The following YARS1 variants were observed in gnomAD, a reference collection of about 807,000 sequenced individuals.
YARS1 encodes tyrosyl-tRNA synthetase 1.
In YARS1, 36 loss-of-function variants were observed where a neutral mutation model predicts 62.2. That is an observed-to-expected ratio of 0.58 (90% CI 0.44 to 0.76). The LOEUF (loss-of-function observed/expected upper bound fraction) is 0.76. Among genes scored for constraint, YARS1 ranks in the 30% least tolerant of loss-of-function variants. The probability of loss-of-function intolerance (pLI) is 0.00; values close to 1 mark genes in which losing one functional copy is unlikely to be tolerated. For missense variants in YARS1, 524 were observed against 639.8 expected (o/e 0.82, Z 1.95); for synonymous variants, 234 against 244.9 (o/e 0.96, Z 0.42).
intron 4 of YARS1, chr1:32,798,103 C>T (rs1653663587): frequency 2.3e-6 from 1 of 430,122 alleles, no homozygotes; most frequent in Non-Finnish European, 4.3e-6. Flanking sequence ...AAATCCTGAG[C>T]TCACCTTGGC....
chr1:32,804,755 G>A (rs1218081149), intron 4 of YARS1, among the ~76,000 whole-genome samples: 3 of 151,478 alleles, frequency 2.0e-5, no homozygotes, highest in South Asian at 2.1e-4. Context: ...AAGACTGGGC[G>A]GCCGGGCAGA....
At chr1:32,785,774 G>A (rs1015112313) in intron 8 of YARS1, among the ~76,000 whole-genome samples, 3 of 151,738 alleles carry the variant, frequency 2.0e-5, no homozygotes, top group African/African-American at 7.3e-5. Context: ...AATAGAGATG[G>A]GGTTTCTCCG....
intron 5 of YARS1, among the ~76,000 whole-genome samples, chr1:32,794,025 T>G (rs1016308679): frequency 1.3e-5 from 2 of 151,810 alleles, no homozygotes; most frequent in African/African-American, 2.4e-5. Flanking sequence ...AAAGGGGAAG[T>G]AGGGGTAGAT....
intron 7 of YARS1, 44 bp downstream of exon 7, chr1:32,786,896 T>C: frequency 2.5e-6 from 4 of 1,613,376 alleles, no homozygotes; most frequent in Non-Finnish European, 3.4e-6. Context: ...GCACGAACTT[T>C]TCTATTCTAG....
chr1:32,781,472 A>G, intron 9 of YARS1: 1 of 335,314 alleles, frequency 3.0e-6, no homozygotes, highest in Non-Finnish European at 5.7e-6. Context: ...TAATTCTAGC[A>G]CTTTGGGAGG....
intron 1 of YARS1, among the ~76,000 whole-genome samples, chr1:32,811,913 C>T (rs754642099): frequency 3.2e-4 from 48 of 152,144 alleles, no homozygotes; most frequent in Non-Finnish European, 5.4e-4. Flanking sequence ...GGAATGGACC[C>T]CACATTTTGG....
Position 32,779,480 on chromosome 1 carries a change from C to G in YARS1, c.1378G>C (p.Gly460Arg). The change falls in exon 12 of 13, where the codon GGC (glycine) becomes CGC (arginine). Residue 460 changes from glycine to arginine, a missense_variant. Gly to Arg is a moderately radical substitution (Grantham distance 125). Coordinates refer to ENST00000373477, the MANE Select transcript of YARS1 (RefSeq NM_003680.4). ...RQVEPLDPPAGSAPGEHVFVK... is the reference protein window; with the variant it reads ...RQVEPLDPPARSAPGEHVFVK... Reference sequence around the variant, plus strand: ...AACACGTGCTCACCAGGAGCAGAGCCTGCCGGAGGGTCCAGAGGTTCAACC... The same window carrying G: ...AACACGTGCTCACCAGGAGCAGAGCGTGCCGGAGGGTCCAGAGGTTCAACC... The G allele has an allele frequency of 1.2e-6, 2 of 1,614,200 alleles. No homozygotes were observed. Among genetic ancestry groups the G allele is most frequent in the Non-Finnish European group, 1.7e-6 (2 of 1,180,038 alleles).
chr1:32,790,087 T>C (rs1289122680), intron 6 of YARS1, among the ~76,000 whole-genome samples: 4 of 151,176 alleles, frequency 2.6e-5, no homozygotes, highest in Non-Finnish European at 4.4e-5. Flanking sequence ...TTTCACCATG[T>C]TGGACAGGCT....
intron 9 of YARS1, chr1:32,781,555 T>C (rs539213870): frequency 1.9e-4 from 32 of 170,474 alleles, no homozygotes; most frequent in South Asian, 8.6e-4. Context: ...TCTGTCTCTT[T>C]TAGAAAAAAA....
intron 12 of YARS1, among the ~76,000 whole-genome samples, chr1:32,777,162 T>C (rs1053207999): frequency 5.9e-5 from 9 of 151,900 alleles, no homozygotes; most frequent in Admixed American, 3.3e-4. Context: ...CTTAAGTAGC[T>C]GGGATTACAG....
chr1:32,798,319 G>C (rs921974726), intron 4 of YARS1: 23 of 212,014 alleles, frequency 1.1e-4, no homozygotes, highest in Non-Finnish European at 7.7e-5. Flanking sequence ...CAGTTGCTGA[G>C]TGTTTGCGGT....
chr1:32,810,731 C>T lies in YARS1; in HGVS notation c.240G>A (p.Leu80=), dbSNP rs1205355927. The part of the protein sequence containing the change: ...TILFADLHAY[L]DNMKAPWELL... Reference sequence around the variant, plus strand: ...GTTCCCATGGGGCTTTCATGTTATCCAGGTATGCGTGGAGGTCCGCAAACA... The same window carrying T: ...GTTCCCATGGGGCTTTCATGTTATCTAGGTATGCGTGGAGGTCCGCAAACA... The change falls in exon 3 of 13, where the codon CTG becomes CTA. Residue 80 remains leucine (L), a synonymous_variant. Coordinates refer to ENST00000373477, the MANE Select transcript of YARS1 (RefSeq NM_003680.4). 1.1e-5 allele frequency: 17 copies of T among 1,614,004 alleles called. No individual in the cohort carries two copies. Among genetic ancestry groups the T allele is most frequent in the Non-Finnish European group, 1.4e-5 (16 of 1,180,024 alleles).
chr1:32,794,858 T>C (rs1224981289), intron 5 of YARS1, among the ~76,000 whole-genome samples: 1 of 151,294 alleles, frequency 6.6e-6, no homozygotes, highest in African/African-American at 2.4e-5. Context: ...ATACAAAAAT[T>C]AGCTGGACAT....
chr1:32,775,967 A>G lies in YARS1; in HGVS notation c.*14T>C. On this transcript the variant is annotated 3_prime_UTR_variant, in exon 13 of 13. Transcript: ENST00000373477. ...GACTCAGTGGTGGAAGAAGGGGGGA[A>G]GATGCTGGGCTGGCTAGCTAATGTT... is the stretch of plus-strand genomic sequence containing the variant. 6.2e-7 allele frequency: 1 copy of G among 1,601,958 alleles called. No homozygotes were observed. The highest frequency in any genetic ancestry group is 1.1e-5 in the South Asian group (1 of 90,788).
intron 7 of YARS1, 53 bp from the exon 8 acceptor site, chr1:32,786,500 A>C: frequency 1.6e-4 from 171 of 1,036,654 alleles, no homozygotes; most frequent in Non-Finnish European, 2.1e-4. Context: ...TTCCTAGCTC[A>C]CATGCATGAC....
At chr1:32,803,894 G>A (rs545289764) in intron 4 of YARS1, among the ~76,000 whole-genome samples, 25 of 152,112 alleles carry the variant, frequency 1.6e-4, no homozygotes, top group Non-Finnish European at 3.4e-4. Flanking sequence ...GCGGCCTTCC[G>A]CAGTGTTTGT....
chr1:32,789,355 T>C (rs566652823), intron 6 of YARS1, among the ~76,000 whole-genome samples: 1 of 152,340 alleles, frequency 6.6e-6, no homozygotes, highest in South Asian at 2.1e-4. Flanking sequence ...CTGTCGACAA[T>C]GTGTGAGGAT....
intron 10 of YARS1, 57 bp downstream of exon 10, chr1:32,780,991 G>A (rs746240807): frequency 8.4e-5 from 130 of 1,541,978 alleles, no homozygotes; most frequent in Non-Finnish European, 1.1e-4. Flanking sequence ...CCTCCGGATG[G>A]AAACAGACAA....
At chr1:32,779,819 T>C in intron 11 of YARS1, 1 of 607,808 alleles carries the variant, frequency 1.6e-6, no homozygotes, top group South Asian at 2.0e-5. Flanking sequence ...TTTGAATCCC[T>C]GCTCCACTCC....
Sources: allele counts gnomAD v4.1 joint callset (sites outside exome capture counted in the v4.1 genomes callset), GRCh38; gene constraint gnomAD v4.1.1; transcripts MANE v1.5; gene names NCBI Gene and HGNC (gene_info 2026-07-23, HGNC 2026-07-21).